Variants in FIGN observed in about 807,000 individuals in gnomAD.
FIGN encodes fidgetin, microtubule severing factor.
FIGN carries 11 observed loss-of-function variants against 51.3 expected under a neutral mutation model. The observed-to-expected ratio is 0.21, with a 90% CI of 0.13 to 0.35. FIGN has a LOEUF of 0.35. FIGN is among the 10% of genes least tolerant of loss of function. The pLI is 1.00. For synonymous variants in FIGN, 407 were observed against 363.2 expected (o/e 1.12, Z -1.37); for missense variants, 857 against 943.6 (o/e 0.91, Z 1.20).
chr2:163,666,031 C>T (rs1683767372), intron 2 of FIGN, among the ~76,000 whole-genome samples: 1 of 152,200 alleles, frequency 6.6e-6, no homozygotes, highest in Non-Finnish European at 1.5e-5. Context: ...GCAATGAACA[C>T]TCATTTTGTT....
chr2:163,657,563 T>C (rs1488400080), intron 2 of FIGN, among the ~76,000 whole-genome samples: 4 of 151,122 alleles, frequency 2.6e-5, no homozygotes, highest in Non-Finnish European at 4.4e-5. Flanking sequence ...GGTAGAGTTT[T>C]CCCCAAGTTG....
intron 2 of FIGN, among the ~76,000 whole-genome samples, chr2:163,641,142 T>A (rs865833997): frequency 6.6e-6 from 1 of 152,224 alleles, no homozygotes; most frequent in South Asian, 2.1e-4. Context: ...CTATGGTATA[T>A]GTTAATAATG....
intron 2 of FIGN, among the ~76,000 whole-genome samples, chr2:163,705,382 T>C (rs896226661): frequency 1.3e-5 from 2 of 152,152 alleles, no homozygotes; most frequent in Admixed American, 6.6e-5. Flanking sequence ...TAGTTTCTCA[T>C]AGTGTTTTGG....
chr2:163,661,916 G>A lies in FIGN; in HGVS notation c.26-50110C>T, dbSNP rs551688572. On this transcript the variant is annotated intron_variant, in intron 2 of 2. Transcript: ENST00000333129. Reference sequence around the variant, plus strand: ...AACCTCTTTTTCTTCCCAGTCTTGAGTATGTCTTTATCAGCAGCATGAAAA... The same window carrying A: ...AACCTCTTTTTCTTCCCAGTCTTGAATATGTCTTTATCAGCAGCATGAAAA... 2.0e-3 allele frequency among the ~76,000 whole-genome samples: 298 copies of A among 152,222 alleles called. 2 individuals are homozygous for A. Among genetic ancestry groups the A allele is most frequent in the African/African-American group, 6.6e-3 (272 of 41,520 alleles).
At chr2:163,639,130 A>T (rs1044067227) in intron 2 of FIGN, among the ~76,000 whole-genome samples, 3 of 152,080 alleles carry the variant, frequency 2.0e-5, no homozygotes, top group Non-Finnish European at 2.9e-5. Context: ...ATATATTTAA[A>T]TTTTTTTCAA....
intron 2 of FIGN, among the ~76,000 whole-genome samples, chr2:163,727,764 G>A (rs1462223745): frequency 1.3e-5 from 2 of 152,162 alleles, no homozygotes; most frequent in Non-Finnish European, 2.9e-5. Context: ...AACTTCAAGT[G>A]CACTCAGATC....
intron 2 of FIGN, among the ~76,000 whole-genome samples, chr2:163,671,245 G>A (rs989560295): frequency 1.3e-5 from 2 of 152,174 alleles, no homozygotes; most frequent in African/African-American, 4.8e-5. Flanking sequence ...TAGCACAGTT[G>A]AGGAGGTTTT....
At chr2:163,617,177 T>C (rs1477978621) in intron 2 of FIGN, 19 of 985,168 alleles carry the variant, frequency 1.9e-5, no homozygotes, top group Non-Finnish European at 2.3e-5. Flanking sequence ...AAATATGGCA[T>C]AAAATCTACA....
intron 2 of FIGN, among the ~76,000 whole-genome samples, chr2:163,697,151 A>T (rs1245118495): frequency 8.0e-6 from 1 of 124,876 alleles, no homozygotes; most frequent in Non-Finnish European, 1.6e-5. Flanking sequence ...TACAGGCTGG[A>T]GTACAGTGGC....
chr2:163,630,665 T>C (rs1197616139), intron 2 of FIGN, among the ~76,000 whole-genome samples: 6 of 118,620 alleles, frequency 5.1e-5, no homozygotes, highest in Non-Finnish European at 8.6e-5. Flanking sequence ...CAAGGATTTG[T>C]ACAAAAAAAA....
chr2:163,620,999 A>G (rs947504068), intron 2 of FIGN, among the ~76,000 whole-genome samples: 2 of 152,076 alleles, frequency 1.3e-5, no homozygotes, highest in Admixed American at 6.6e-5. Flanking sequence ...GAAATCTTCC[A>G]AACCCCACAA....
chr2:163,722,478 G>GA (rs148181937), intron 2 of FIGN, among the ~76,000 whole-genome samples: 4,178 of 152,226 alleles, frequency 0.027, 83 homozygotes, highest in Non-Finnish European at 0.044. Context: ...AGTCAATCTG[G>GA]AAGTCTCAGA....
chr2:163,715,889 T>C (rs77138080), intron 2 of FIGN, among the ~76,000 whole-genome samples: 1 of 152,334 alleles, frequency 6.6e-6, no homozygotes, highest in East Asian at 1.9e-4. Context: ...TGTATTTGCA[T>C]GTGGGTGGTA....
intron 2 of FIGN, among the ~76,000 whole-genome samples, chr2:163,651,598 T>A (rs1005888054): frequency 1.3e-5 from 2 of 152,224 alleles, no homozygotes; most frequent in African/African-American, 4.8e-5. Context: ...TTGCAAAATT[T>A]TATGTTCTAT....
At chr2:163,611,854 G>T in intron 2 of FIGN, 48 bp from the exon 3 acceptor site, 1 of 1,497,774 alleles carries the variant, frequency 6.7e-7, no homozygotes, top group Non-Finnish European at 9.0e-7. Context: ...ATAGGCATCA[G>T]AACTCTTAAA....
intron 2 of FIGN, among the ~76,000 whole-genome samples, chr2:163,734,557 C>A (rs1257160201): frequency 9.6e-4 from 99 of 102,834 alleles, no homozygotes; most frequent in Middle Eastern, 7.2e-3. Context: ...CTCCCTCCTT[C>A]AAAAAAAAAA....
intron 2 of FIGN, among the ~76,000 whole-genome samples, chr2:163,641,028 C>A (rs907644402): frequency 6.6e-6 from 1 of 152,192 alleles, no homozygotes; most frequent in African/African-American, 2.4e-5. Flanking sequence ...CTGTCAGAGG[C>A]AGCTGATTAG....
At position 163,610,708 on chromosome 2, in the gene FIGN, G is replaced by A; in HGVS notation, c.1124C>T (p.Ala375Val). 1.2e-6 allele frequency: 2 copies of A among 1,614,170 alleles called. No homozygotes were observed. The highest frequency in any genetic ancestry group is 1.7e-6 in the Non-Finnish European group (2 of 1,180,018). Residue 375 changes from alanine to valine, a missense_variant, in exon 3 of 3, where the codon GCA becomes GTA. By Grantham distance (64) the Ala-to-Val change is moderately conservative. This residue lies in a region of FIGN where 799 missense variants were observed against 849.5 expected (regional missense o/e 0.94). Transcript: ENST00000333129. Reference protein sequence around the residue: ...FDRSAETSSLAFKPTKQLMSS... With the variant: ...FDRSAETSSLVFKPTKQLMSS... ...CATTAGCTGCTTCGTTGGCTTAAATGCTAAGGATGATGTTTCAGCACTTCT... is the reference window on the plus strand; with the variant it reads ...CATTAGCTGCTTCGTTGGCTTAAATACTAAGGATGATGTTTCAGCACTTCT...
intron 2 of FIGN, among the ~76,000 whole-genome samples, chr2:163,636,145 A>C (rs2105313623): frequency 6.6e-6 from 1 of 152,286 alleles, no homozygotes; most frequent in South Asian, 2.1e-4. Context: ...GTTGCTTTAG[A>C]ATACAGCTTG....
Sources: allele counts gnomAD v4.1 joint callset (sites outside exome capture counted in the v4.1 genomes callset), GRCh38; gene constraint gnomAD v4.1.1; regional missense constraint gnomAD v4.1.1; transcripts MANE v1.5; gene names NCBI Gene and HGNC (gene_info 2026-07-23, HGNC 2026-07-21).